The following KMT2E variants were observed in gnomAD, a reference collection of about 807,000 sequenced individuals.
KMT2E encodes the protein histone reader KMT2E.
In KMT2E, 30 loss-of-function variants were observed where a neutral mutation model predicts 184.6. That is an observed-to-expected ratio of 0.16 (90% CI 0.12 to 0.22). KMT2E has a LOEUF of 0.22. Among genes scored for constraint, KMT2E ranks in the 10% least tolerant of loss-of-function variants. The pLI, the probability that KMT2E is intolerant of heterozygous loss-of-function variation, is 1.00. For missense variants in KMT2E, 2,023 were observed against 2,237.4 expected, an observed-to-expected ratio of 0.90 and a Z score of 1.93; for synonymous variants, 815 against 776.5, an observed-to-expected ratio of 1.05 and a Z score of -0.82.
At chr7:105,073,449 A>G (rs1012789538) in intron 6 of KMT2E, among the ~76,000 whole-genome samples, 170 bp from the exon 7 acceptor site, 2 of 151,670 alleles carry the variant, frequency 1.3e-5, no homozygotes, top group African/African-American at 4.8e-5. Context: ...TCTATCTGGC[A>G]TCTACTGCTA....
intron 3 of KMT2E, among the ~76,000 whole-genome samples, chr7:105,055,176 A>G (rs1480847420): frequency 7.3e-6 from 1 of 137,682 alleles, no homozygotes; most frequent in Non-Finnish European, 1.5e-5. Flanking sequence ...GAGACAACCC[A>G]TTAGTGGCTC....
At chr7:105,068,889 T>C (rs994438653) in intron 6 of KMT2E, among the ~76,000 whole-genome samples, 1 of 152,174 alleles carries the variant, frequency 6.6e-6, no homozygotes, top group Non-Finnish European at 1.5e-5. Context: ...AATGAAAAAT[T>C]AAGTATCATT....
At chr7:105,024,742 G>C (rs1368360573) in intron 1 of KMT2E, among the ~76,000 whole-genome samples, 2 of 152,092 alleles carry the variant, frequency 1.3e-5, no homozygotes, top group Non-Finnish European at 2.9e-5. Flanking sequence ...TTAAAATTTA[G>C]GTCCTGATTC....
intron 23 of KMT2E, among the ~76,000 whole-genome samples, chr7:105,109,843 CTTT>C (rs34727137): frequency 7.3e-5 from 10 of 136,268 alleles, no homozygotes; most frequent in African/African-American, 8.3e-5. Flanking sequence ...ATAAGATTAA[CTTT>C]TTTTTTTTTT....
chr7:105,084,983 TAATA>T (rs1797903675), intron 13 of KMT2E, among the ~76,000 whole-genome samples: 1 of 152,194 alleles, frequency 6.6e-6, no homozygotes, highest in South Asian at 2.1e-4. Context: ...TATTTTATGG[TAATA>T]AATGATAGAA....
intron 15 of KMT2E, among the ~76,000 whole-genome samples, chr7:105,097,920 C>G (rs1798481706): frequency 1.3e-5 from 2 of 152,088 alleles, no homozygotes; most frequent in Admixed American, 1.3e-4. Context: ...GGTCACTGCT[C>G]TGGAAAAGCT....
chr7:105,041,434 C>T (rs1795877844), intron 3 of KMT2E, among the ~76,000 whole-genome samples: 1 of 152,158 alleles, frequency 6.6e-6, no homozygotes, highest in Non-Finnish European at 1.5e-5. Context: ...TGGAGTTTTG[C>T]TGTGTCTCCC....
chr7:105,077,193 G>A lies in KMT2E; in HGVS notation c.999G>A (p.Glu333=), dbSNP rs1244061108. 2 of 1,611,988 alleles carry A rather than the reference G, an allele frequency of 1.2e-6. No homozygotes were observed. Among genetic ancestry groups the A allele is most frequent in the Non-Finnish European group, 1.7e-6 (2 of 1,178,476 alleles). Residue 333 remains glutamate (E), a splice_region_variant and synonymous_variant, in exon 10 of 27, where the codon GAG becomes GAA. Transcript: ENST00000311117. ...TNNLLFKPPV[E]SHIQKNKKIL... is the part of the protein sequence containing the mutation. ...ATTTGCTCTTCAAACCTCCTGTAGA[G>A]GTAAATACATCATTTGTCCAAAAAT...
chr7:105,064,748 T>G (rs1028605687), intron 5 of KMT2E, among the ~76,000 whole-genome samples: 3 of 143,798 alleles, frequency 2.1e-5, no homozygotes, highest in Non-Finnish European at 3.0e-5. Context: ...TTCAGTAAAT[T>G]TATTTAGGAG....
At chr7:105,109,273 T>C in intron 23 of KMT2E, 45 bp downstream of exon 23, 3 of 1,568,320 alleles carry the variant, frequency 1.9e-6, no homozygotes, top group Non-Finnish European at 2.6e-6. Flanking sequence ...AACAAGCTTT[T>C]GTTCAAGTAT....
intron 3 of KMT2E, among the ~76,000 whole-genome samples, chr7:105,044,985 A>AG (rs1562888379): frequency 6.6e-6 from 1 of 152,176 alleles, no homozygotes; most frequent in African/African-American, 2.4e-5. Context: ...AAGGGGTCAA[A>AG]GGTAGGGCCT....
intron 15 of KMT2E, among the ~76,000 whole-genome samples, chr7:105,095,971 G>A (rs1798393543): frequency 6.6e-6 from 1 of 152,062 alleles, no homozygotes; most frequent in African/African-American, 2.4e-5. Flanking sequence ...AAAGAGACTT[G>A]TTGCTGGGCT....
At chr7:105,040,532 T>C (rs570572961) in intron 2 of KMT2E, among the ~76,000 whole-genome samples, 6 of 152,212 alleles carry the variant, frequency 3.9e-5, no homozygotes, top group Non-Finnish European at 8.8e-5. Context: ...AGAAGACTTA[T>C]TTTTGCATAC....
chr7:105,042,366 T>C (rs937962770), intron 3 of KMT2E, among the ~76,000 whole-genome samples: 9 of 140,112 alleles, frequency 6.4e-5, no homozygotes, highest in African/African-American at 2.3e-4. Flanking sequence ...TTTTTTCTTA[T>C]AATTTTTTTC....
At chr7:105,018,615 ATTATT>A (rs766656224) in intron 1 of KMT2E, among the ~76,000 whole-genome samples, 47 of 152,158 alleles carry the variant, frequency 3.1e-4, no homozygotes, top group Admixed American at 2.0e-4. Flanking sequence ...TGAAAATATA[ATTATT>A]TTATGGTAAA....
rs777195359 is a variant in KMT2E, at chr7:105,114,078, C to CA, written c.*746dup. 1.3e-5 allele frequency: 2 copies of CA among 152,570 alleles called. No individual in the cohort carries two copies. The highest frequency in any genetic ancestry group is 4.8e-5 in the African/African-American group (2 of 41,436). 9.5% of individuals were successfully genotyped at this position (152,570 alleles called of 1,614,324 possible). A position where few individuals can be genotyped will look rare whatever the true frequency, so the allele number is the denominator to read the frequency against. ...TCATGTTAATAAATCACAATTATGT[C>CA]AGTTTTACCAGATTGTCCTGTACAA... On this transcript the variant is annotated 3_prime_UTR_variant, in exon 27 of 27. Coordinates refer to ENST00000311117, the MANE Select transcript of KMT2E (RefSeq NM_182931.3).
At chr7:105,067,988 G>A (rs890585967) in intron 6 of KMT2E, among the ~76,000 whole-genome samples, 1 of 151,996 alleles carries the variant, frequency 6.6e-6, no homozygotes, top group Non-Finnish European at 1.5e-5. Flanking sequence ...ACAAAAAACC[G>A]CAAAGCCATT....
chr7:105,058,451 T>G (rs2129566820), intron 3 of KMT2E, among the ~76,000 whole-genome samples: 1 of 152,330 alleles, frequency 6.6e-6, no homozygotes, highest in Admixed American at 6.5e-5. Context: ...CTCTTAAGGG[T>G]TGCAGTTTAG....
chr7:105,108,879 C>A, intron 22 of KMT2E, 63 bp from the exon 23 acceptor site: 2 of 1,325,246 alleles, frequency 1.5e-6, no homozygotes, highest in Admixed American at 2.5e-5. Flanking sequence ...AAAAAGAATG[C>A]ATTGGTTCTG....
Sources: allele counts gnomAD v4.1 joint callset (sites outside exome capture counted in the v4.1 genomes callset), GRCh38; gene constraint gnomAD v4.1.1; transcripts MANE v1.5; gene names NCBI Gene and HGNC (gene_info 2026-07-23, HGNC 2026-07-21).